The following SHANK2 variants were observed in gnomAD, a reference collection of about 807,000 sequenced individuals.
SHANK2 encodes SH3 and multiple ankyrin repeat domains protein 2.
A neutral mutation model predicts 133.7 loss-of-function variants in SHANK2; 43 were observed. The ratio of observed to expected loss-of-function variants is 0.32; its 90% CI spans 0.25 to 0.41. The LOEUF is 0.41. SHANK2 is among the 10% of genes least tolerant of loss of function. SHANK2 has a pLI of 1.00. For synonymous variants in SHANK2, 1,017 were observed against 952.8 expected (o/e 1.07, Z -1.24); for missense variants, 1,994 against 2,235.8 (o/e 0.89, Z 2.18).
At chr11:71,213,867 C>T (rs1482726190) in intron 2 of SHANK2, among the ~76,000 whole-genome samples, 5 of 152,194 alleles carry the variant, frequency 3.3e-5, no homozygotes, top group African/African-American at 1.2e-4. Flanking sequence ...CTGGGAGAGA[C>T]CGCCCCTTCC....
At chr11:71,246,888 C>A (rs1298731935) in intron 1 of SHANK2, among the ~76,000 whole-genome samples, 1 of 152,178 alleles carries the variant, frequency 6.6e-6, no homozygotes, top group Admixed American at 6.5e-5. Context: ...TCCCCTTTTC[C>A]ATTTCTAAAA....
In SHANK2 at chr11:70,570,092, G is replaced by GT. The variant is rs2060027029; in HGVS notation, c.2062-67162dup. Among the ~76,000 whole-genome samples the GT allele has an allele frequency of 2.6e-5, 4 of 152,296 alleles. No homozygotes were observed. The South Asian group carries it at 8.3e-4, about 32-fold the overall frequency. Reference sequence around the variant, plus strand: ...CCTCATAAGCTGTCGCTACCTGACTGTTTTTTGACCTATAAAAATGGCAGC... The same window carrying GT: ...CCTCATAAGCTGTCGCTACCTGACTGTTTTTTTGACCTATAAAAATGGCAGC... On this transcript the variant is annotated intron_variant, in intron 17 of 25. Transcript: ENST00000601538.
Position 70,472,315 on chromosome 11 carries a change from C to G in SHANK2, c.*554G>C, listed in dbSNP as rs1555148776. The G allele has an allele frequency of 6.3e-6, 1 of 157,606 alleles. No homozygotes were observed. Among genetic ancestry groups the G allele is most frequent in the Non-Finnish European group, 1.4e-5 (1 of 71,428 alleles). 9.8% of individuals were successfully genotyped at this position (157,606 alleles called of 1,614,324 possible). On this transcript the variant is annotated 3_prime_UTR_variant, in exon 26 of 26. Transcript: ENST00000601538. The surrounding 1 kb of genome is among the most constrained non-coding windows in gnomAD (Gnocchi z 4.4). ...GAAAAAGTTTCTCTGCCTTTCAGGC[C>G]CATGATGGGGCACTGGACAAATGCA...
At chr11:71,195,464 G>A (rs2135597890) in intron 2 of SHANK2, among the ~76,000 whole-genome samples, 1 of 152,076 alleles carries the variant, frequency 6.6e-6, no homozygotes, top group African/African-American at 2.4e-5. Context: ...GATTGATGGA[G>A]ACATGAAATT....
At chr11:71,251,617 G>T (rs1948181401) in intron 1 of SHANK2, among the ~76,000 whole-genome samples, 3 of 151,378 alleles carry the variant, frequency 2.0e-5, no homozygotes, top group Non-Finnish European at 4.4e-5. Context: ...CAACTCGAGC[G>T]CGCCGGTGCC....
intron 14 of SHANK2, among the ~76,000 whole-genome samples, chr11:70,731,046 G>T (rs1281354243): frequency 6.6e-6 from 1 of 152,116 alleles, no homozygotes; most frequent in Non-Finnish European, 1.5e-5. Context: ...ACACACATAT[G>T]TTGAAGCCCC....
chr11:70,698,334 C>T (rs782382290), intron 15 of SHANK2: 17 of 301,936 alleles, frequency 5.6e-5, no homozygotes, highest in Admixed American at 9.1e-5. Flanking sequence ...CTGAGGCATC[C>T]GAAATACTCC....
chr11:71,156,875 C>G (rs1555109185), intron 2 of SHANK2, among the ~76,000 whole-genome samples: 1 of 152,172 alleles, frequency 6.6e-6, no homozygotes. Flanking sequence ...CTGAGTTGCC[C>G]ATAGTCCCTT....
At chr11:70,890,714 G>A (rs562018930) in intron 11 of SHANK2, among the ~76,000 whole-genome samples, 6 of 151,006 alleles carry the variant, frequency 4.0e-5, no homozygotes, top group South Asian at 4.2e-4. Flanking sequence ...CAGGAGAATC[G>A]CTTGAACCCA....
intron 14 of SHANK2, among the ~76,000 whole-genome samples, chr11:70,728,358 C>T (rs561826914): frequency 4.6e-5 from 7 of 152,314 alleles, no homozygotes; most frequent in Admixed American, 2.6e-4. Context: ...TCCGAGGCAC[C>T]GTGACTTGGG....
chr11:70,545,601 C>T (rs1340524352), intron 17 of SHANK2, among the ~76,000 whole-genome samples: 2 of 152,240 alleles, frequency 1.3e-5, no homozygotes, highest in African/African-American at 2.4e-5. Context: ...CTCCGTACGG[C>T]GCCTGCACAC....
At chr11:70,770,194 C>A (rs1555042406) in intron 14 of SHANK2, among the ~76,000 whole-genome samples, 2 of 152,184 alleles carry the variant, frequency 1.3e-5, no homozygotes, top group Non-Finnish European at 2.9e-5. Context: ...CTGCTGCCGC[C>A]CACTTGATGT....
At chr11:70,930,849 T>A (rs1371251211) in intron 10 of SHANK2, among the ~76,000 whole-genome samples, 1 of 150,710 alleles carries the variant, frequency 6.6e-6, no homozygotes, top group Non-Finnish European at 1.5e-5. Flanking sequence ...TTTTTTTTTT[T>A]AGAGATGGGG....
chr11:70,930,278 G>A (rs939078346), intron 10 of SHANK2, among the ~76,000 whole-genome samples: 28 of 152,222 alleles, frequency 1.8e-4, no homozygotes, highest in South Asian at 1.0e-3. Flanking sequence ...ATGCTCTGCC[G>A]GTGCTCTGCT....
rs368049051 is a variant in SHANK2, at chr11:70,719,727, AG to A, written c.1778-20965del. Among the ~76,000 whole-genome samples the A allele has an allele frequency of 1.7e-4, 26 of 151,670 alleles. No homozygotes were observed. The East Asian group carries it at 2.7e-3, about 16-fold the overall frequency. ...GCGGAGACAGGAGGTAAAAATAGCA[AG>A]GGTTTCCACAACAGCCCCGCGCTCC... is the stretch of plus-strand genomic sequence containing the variant. On this transcript the variant is annotated intron_variant, in intron 14 of 25. Transcript: ENST00000601538.
chr11:70,504,964 C>T (rs974620016), intron 17 of SHANK2, among the ~76,000 whole-genome samples: 6 of 152,114 alleles, frequency 3.9e-5, no homozygotes, highest in African/African-American at 7.2e-5. Flanking sequence ...TTCTGTTCCC[C>T]GTACCACTAA....
intron 17 of SHANK2, among the ~76,000 whole-genome samples, chr11:70,529,611 A>T (rs1554972803): frequency 1.3e-5 from 2 of 152,230 alleles, no homozygotes; most frequent in Non-Finnish European, 2.9e-5. Flanking sequence ...TAGTACAGTC[A>T]TAGCACTTTG....
chr11:70,886,215 C>A (rs782185208), intron 11 of SHANK2, among the ~76,000 whole-genome samples: 27 of 152,232 alleles, frequency 1.8e-4, no homozygotes, highest in Non-Finnish European at 3.5e-4. Flanking sequence ...CGACTGCTCC[C>A]ATATGCCTTG....
At chr11:70,478,004 A>ACTGT (rs2058685679) in intron 25 of SHANK2, among the ~76,000 whole-genome samples, 1 of 152,162 alleles carries the variant, frequency 6.6e-6, no homozygotes, top group Admixed American at 6.5e-5. Context: ...CCAGGTCACC[A>ACTGT]CTGTCTACCC....
Sources: allele counts gnomAD v4.1 joint callset (sites outside exome capture counted in the v4.1 genomes callset), GRCh38; gene constraint gnomAD v4.1.1; non-coding constraint Gnocchi (gnomAD v3.1); transcripts MANE v1.5; gene names NCBI Gene and HGNC (gene_info 2026-07-23, HGNC 2026-07-21).